MAP3K13: variants seen among roughly 807,000 people sequenced by gnomAD.
MAP3K13 encodes the protein leucine zipper-bearing kinase.
A neutral mutation model predicts 104.0 loss-of-function variants in MAP3K13; 52 were observed. The observed-to-expected ratio is 0.50, with a 90% CI of 0.40 to 0.63. MAP3K13 has a LOEUF of 0.63. Among genes scored for constraint, MAP3K13 ranks in the 20% least tolerant of loss-of-function variants. The pLI is 0.00. For missense variants in MAP3K13, 914 were observed against 1,218.5 expected (o/e 0.75, Z 3.72); for synonymous variants, 394 against 442.2 (o/e 0.89, Z 1.37).
In MAP3K13 at chr3:185,415,573, A is replaced by ATTTTT. The variant is rs34633048; in HGVS notation, c.-85-12921_-85-12920insTTTTT. ...CACAGTATTAAAACCAGAAGGGTTAATTTCTTTTTTTTTTTTTTTTTTTTT... is the reference window on the plus strand; with the variant it reads ...CACAGTATTAAAACCAGAAGGGTTAATTTTTTTTCTTTTTTTTTTTTTTTTTTTTT... On this transcript the variant is annotated intron_variant, in intron 1 of 13. Coordinates refer to ENST00000265026, the MANE Select transcript of MAP3K13 (RefSeq NM_004721.5). Among the ~76,000 whole-genome samples, 60 of 119,440 alleles carry ATTTTT rather than the reference A, an allele frequency of 5.0e-4. 2 individuals carry two copies. The highest frequency in any genetic ancestry group is 1.8e-3 in the South Asian group (6 of 3,384). The allele number at this position is 119,440 out of a possible 152,430, so 78.4% of individuals were successfully genotyped here. A position where few individuals can be genotyped will look rare whatever the true frequency, so the allele number is the denominator to read the frequency against.
chr3:185,381,574 A>G (rs545121670), intron 1 of MAP3K13, among the ~76,000 whole-genome samples: 54 of 152,126 alleles, frequency 3.5e-4, no homozygotes, highest in Non-Finnish European at 6.6e-4. Context: ...ATTGTAAACA[A>G]CTGTCCTTCT....
intron 1 of MAP3K13, among the ~76,000 whole-genome samples, chr3:185,399,417 A>C (rs1260270181): frequency 1.3e-5 from 2 of 151,820 alleles, no homozygotes; most frequent in East Asian, 3.9e-4. Flanking sequence ...AGCCTGGCCA[A>C]CATGGTGAAA....
At chr3:185,321,817 T>C (rs1721880266) in intron 2 of MAP3K13, among the ~76,000 whole-genome samples, 1 of 152,200 alleles carries the variant, frequency 6.6e-6, no homozygotes, top group South Asian at 2.1e-4. Flanking sequence ...TTGGCCATGA[T>C]TGTTTGGAAC....
At chr3:185,455,315 A>G (rs373430564) in intron 7 of MAP3K13, among the ~76,000 whole-genome samples, 2 of 127,836 alleles carry the variant, frequency 1.6e-5, no homozygotes, top group African/African-American at 5.7e-5. Flanking sequence ...TATGAGATAT[A>G]TATGAGATAT....
chr3:185,292,906 T>G (rs1374132762), intron 2 of MAP3K13: 38 of 983,898 alleles, frequency 3.9e-5, no homozygotes, highest in Admixed American at 6.1e-5. Flanking sequence ...TTTGTGAAAC[T>G]TTTTTACTAA....
intron 9 of MAP3K13, among the ~76,000 whole-genome samples, chr3:185,466,369 C>CT (rs59523963): frequency 0.028 from 2,381 of 85,246 alleles, 37 homozygotes; most frequent in African/African-American, 0.037. Flanking sequence ...TTAGTATTTC[C>CT]TTTTTTTTTT....
At position 185,428,862 on chromosome 3, in the gene MAP3K13, A is replaced by C; in HGVS notation, c.281A>C (p.Glu94Ala). Reference sequence around the variant, plus strand: ...CAGCTAAGGGAACACGATGAATCAGAGACGGCGGTGTCTCAGGGGAACAGC... The same window carrying C: ...CAGCTAAGGGAACACGATGAATCAGCGACGGCGGTGTCTCAGGGGAACAGC... ...VLQLREHDES[E>A]TAVSQGNSNT... The change falls in exon 2 of 14, where the codon GAG (glutamate) becomes GCG (alanine). Residue 94 changes from glutamate to alanine, a missense_variant. Glu to Ala is a moderately radical substitution (Grantham distance 107, BLOSUM62 -1). This residue lies in a region of MAP3K13 where 156 missense variants were observed against 159.8 expected (regional missense o/e 0.98). Coordinates refer to ENST00000265026, the MANE Select transcript of MAP3K13 (RefSeq NM_004721.5). 6.2e-7 allele frequency: 1 copy of C among 1,614,222 alleles called. No individual in the cohort carries two copies. The highest frequency in any genetic ancestry group is 8.5e-7 in the Non-Finnish European group (1 of 1,180,042).
rs1721632550 is a variant in MAP3K13 at position 185,315,155 on chromosome 3, C to T, written c.-86+29512C>T. 6.6e-6 allele frequency among the ~76,000 whole-genome samples: 1 copy of T among 152,066 alleles called. No homozygotes were observed. The highest frequency in any genetic ancestry group is 2.4e-5 in the African/African-American group (1 of 41,394). ...ATCCCAGCTAATCGTGAGGCTGAGG[C>T]AGGAGAATTGCTTGAACCTGGGAGG... On this transcript the variant is annotated intron_variant, in intron 2 of 14. Transcript: ENST00000424227. This position sits in a 1 kb window ranked among gnomAD's most constrained non-coding sequence, Gnocchi z 4.3.
intron 2 of MAP3K13, among the ~76,000 whole-genome samples, chr3:185,296,864 A>T (rs1720933573): frequency 6.6e-6 from 1 of 152,228 alleles, no homozygotes; most frequent in Non-Finnish European, 1.5e-5. Flanking sequence ...TCTAAAAAAT[A>T]TTTTAAAATG....
intron 1 of MAP3K13, among the ~76,000 whole-genome samples, chr3:185,370,736 G>T (rs1577474366): frequency 1.5e-5 from 1 of 67,758 alleles, no homozygotes; most frequent in East Asian, 4.2e-4. Context: ...ATTGTTCTCT[G>T]TAGTCAAAAA....
chr3:185,356,775 C>T (rs1723371056), intron 2 of MAP3K13, among the ~76,000 whole-genome samples: 2 of 152,142 alleles, frequency 1.3e-5, no homozygotes, highest in South Asian at 4.1e-4. Flanking sequence ...GCACTCGCTT[C>T]AGATGGGGTC....
chr3:185,334,774 A>G (rs1031660015), intron 2 of MAP3K13, among the ~76,000 whole-genome samples: 1 of 152,028 alleles, frequency 6.6e-6, no homozygotes, highest in Non-Finnish European at 1.5e-5. Context: ...ACACGTGGCT[A>G]ATTTTTGTAT....
At chr3:185,327,659 A>C (rs1008406550) in intron 2 of MAP3K13, among the ~76,000 whole-genome samples, 7 of 152,136 alleles carry the variant, frequency 4.6e-5, no homozygotes, top group South Asian at 2.1e-4. Flanking sequence ...CACCTGTAAT[A>C]CCAGCACTTT....
intron 2 of MAP3K13, among the ~76,000 whole-genome samples, chr3:185,295,806 T>C (rs1422731626): frequency 2.0e-5 from 3 of 152,220 alleles, no homozygotes; most frequent in African/African-American, 7.2e-5. Flanking sequence ...TTTATTACAC[T>C]GTATGCCCAG....
At chr3:185,471,828 G>A (rs1717812022) in intron 10 of MAP3K13, among the ~76,000 whole-genome samples, 1 of 152,128 alleles carries the variant, frequency 6.6e-6, no homozygotes, top group African/African-American at 2.4e-5. Context: ...TGCTTTAATT[G>A]TGCTTTGTCT....
chr3:185,360,594 T>C (rs6800636), upstream of MAP3K13, among the ~76,000 whole-genome samples: 110,233 of 152,008 alleles, frequency 0.73, 42,342 homozygotes, highest in Non-Finnish European at 0.86. Flanking sequence ...GCATGCTAAC[T>C]GAGGCCAAGT....
chr3:185,479,191 G>A (rs1718309414), intron 12 of MAP3K13, among the ~76,000 whole-genome samples: 1 of 152,172 alleles, frequency 6.6e-6, no homozygotes, highest in African/African-American at 2.4e-5. Context: ...GCTCATTTCT[G>A]TTGAAGGTTG....
Position 185,389,597 on chromosome 3 carries a change from A to G in MAP3K13, c.-86+26229A>G, listed in dbSNP as rs1711915332. 3.3e-5 allele frequency among the ~76,000 whole-genome samples: 5 copies of G among 152,126 alleles called. No individual in the cohort carries two copies. The South Asian group carries it at 8.3e-4, about 25-fold the overall frequency. ...AAAAGAAAAAGAAAAAAAATACAAT[A>G]GTATTCCTGTCCACAAGAATTCACA... On this transcript the variant is annotated intron_variant, in intron 1 of 13. Coordinates refer to ENST00000265026, the MANE Select transcript of MAP3K13 (RefSeq NM_004721.5).
At chr3:185,478,903 C>A (rs1324209305) in intron 12 of MAP3K13, among the ~76,000 whole-genome samples, 3 of 150,452 alleles carry the variant, frequency 2.0e-5, no homozygotes, top group Non-Finnish European at 3.0e-5. Context: ...CAAAACAAAA[C>A]AAAACTCTTT....
Sources: gnomAD v4.1 joint callset for allele counts (sites outside exome capture counted in the v4.1 genomes callset) on GRCh38, gnomAD v4.1.1 for gene constraint, gnomAD v4.1.1 regional missense constraint, Gnocchi (gnomAD v3.1) non-coding constraint, MANE v1.5 for transcripts, NCBI Gene and HGNC (gene_info 2026-07-23, HGNC 2026-07-21) for gene names.